GSPT1: variants seen among roughly 807,000 people sequenced by gnomAD.
GSPT1 encodes the protein eukaryotic peptide chain release factor GTP-binding subunit ERF3A.
In GSPT1, 20 loss-of-function variants were observed where a neutral mutation model predicts 72.5. That is an observed-to-expected ratio of 0.28 (90% CI 0.19 to 0.40). GSPT1 has a LOEUF of 0.40. GSPT1 is among the 10% of genes least tolerant of loss of function. GSPT1 has a pLI of 1.00. For synonymous variants in GSPT1, 334 were observed against 293.5 expected (o/e 1.14, Z -1.41); for missense variants, 580 against 811.9 (o/e 0.71, Z 3.47).
chr16:11,904,295 T>G (rs1415596600), intron 1 of GSPT1, among the ~76,000 whole-genome samples: 1 of 152,064 alleles, frequency 6.6e-6, no homozygotes, highest in Non-Finnish European at 1.5e-5. Context: ...CTCCGACTCC[T>G]GGGTTCAAGC....
At chr16:11,901,812 T>TA (rs1269017496) in intron 1 of GSPT1, among the ~76,000 whole-genome samples, 1 of 150,674 alleles carries the variant, frequency 6.6e-6, no homozygotes, top group Non-Finnish European at 1.5e-5. Context: ...GAGGAAAAAC[T>TA]AGGCTGGGCA....
chr16:11,916,291 A>G (rs1196230826), upstream of GSPT1, among the ~76,000 whole-genome samples: 1 of 152,214 alleles, frequency 6.6e-6, no homozygotes, highest in Non-Finnish European at 1.5e-5. Flanking sequence ...GGGCAGCGGC[A>G]GGCCCTGGTT....
At chr16:11,902,409 A>G (rs2054421989) in intron 1 of GSPT1, among the ~76,000 whole-genome samples, 1 of 150,286 alleles carries the variant, frequency 6.7e-6, no homozygotes, top group Non-Finnish European at 1.5e-5. Context: ...TGTCTCAAAA[A>G]AAAAAAAAAA....
chr16:11,913,622 C>A (rs924644009), intron 1 of GSPT1, among the ~76,000 whole-genome samples: 1 of 152,160 alleles, frequency 6.6e-6, no homozygotes, highest in East Asian at 1.9e-4. Context: ...TGAGTCTAGT[C>A]AGAGTGGTGC....
chr16:11,878,047 G>T (rs534777960), intron 11 of GSPT1, among the ~76,000 whole-genome samples: 1 of 152,258 alleles, frequency 6.6e-6, no homozygotes, highest in East Asian at 1.9e-4. Context: ...ACTATTTAAT[G>T]AATACATCAT....
intron 1 of GSPT1, among the ~76,000 whole-genome samples, chr16:11,905,578 T>C (rs1320140514): frequency 6.6e-6 from 1 of 152,160 alleles, no homozygotes; most frequent in Non-Finnish European, 1.5e-5. Context: ...CCTGTACCTG[T>C]AATCCCAGCA....
In GSPT1 at chr16:11,886,759, C is replaced by T; in HGVS notation, c.1112+18G>A. 7 of 1,606,626 alleles carry T rather than the reference C, an allele frequency of 4.4e-6. No individual in the cohort carries two copies. The highest frequency in any genetic ancestry group is 1.7e-5 in the Admixed American group (1 of 59,350). ...TCCTTAATCCCACTAACATAAAATA[C>T]CAGACATCTACGCTCACCTCTCATT... On this transcript the variant is annotated intron_variant, in intron 8 of 14. Coordinates refer to ENST00000434724, the MANE Select transcript of GSPT1 (RefSeq NM_002094.4).
chr16:11,896,718 T>G lies in GSPT1; in HGVS notation c.504A>C (p.Ala168=). 1 of 1,606,480 alleles carries G rather than the reference T, an allele frequency of 6.2e-7. No individual in the cohort carries two copies. The change falls in exon 4 of 15, where the codon GCA becomes GCC. Residue 168 remains alanine (A), a synonymous_variant. Coordinates refer to ENST00000434724, the MANE Select transcript of GSPT1 (RefSeq NM_002094.4). ...SWEHKEEISE[A]EPGGGSLGDG... ...CTCCCAAGGAACCACCCCCTGGCTC[T>G]GCTTCACTTATTTCTTCTTTGTGCT...
At chr16:11,890,991 G>A (rs2054251309) in intron 6 of GSPT1, 71 bp downstream of exon 6, 2 of 698,734 alleles carry the variant, frequency 2.9e-6, no homozygotes, top group Admixed American at 2.9e-5. Flanking sequence ...TATTTTAACA[G>A]GCTCCAAAAG....
chr16:11,907,811 A>C (rs2150889353), intron 1 of GSPT1, among the ~76,000 whole-genome samples: 1 of 152,360 alleles, frequency 6.6e-6, no homozygotes, highest in East Asian at 1.9e-4. Context: ...TAACATTCTA[A>C]GAACCTCTTT....
chr16:11,873,814 C>G (rs1461031746), intron 14 of GSPT1, among the ~76,000 whole-genome samples: 1 of 152,176 alleles, frequency 6.6e-6, no homozygotes, highest in African/African-American at 2.4e-5. Context: ...GTCTTGAACT[C>G]TTGGCCTCAG....
At chr16:11,902,306 C>G (rs1322736615) in intron 1 of GSPT1, among the ~76,000 whole-genome samples, 1 of 143,588 alleles carries the variant, frequency 7.0e-6, no homozygotes, top group Non-Finnish European at 1.5e-5. Flanking sequence ...GGCATGAACC[C>G]GGGAGGTGGA....
At chr16:11,890,782 G>A (rs552291960) in intron 6 of GSPT1, 10 of 226,716 alleles carry the variant, frequency 4.4e-5, no homozygotes, top group South Asian at 1.7e-4. Flanking sequence ...TTATGTAAAT[G>A]TAAGTTTTCA....
chr16:11,905,871 T>C (rs1022471269), intron 1 of GSPT1, among the ~76,000 whole-genome samples: 1 of 152,002 alleles, frequency 6.6e-6, no homozygotes, highest in African/African-American at 2.4e-5. Context: ...AAATAAATTA[T>C]AGGTACACAT....
intron 10 of GSPT1, among the ~76,000 whole-genome samples, chr16:11,883,888 G>A (rs1366032007): frequency 1.3e-5 from 2 of 151,378 alleles, no homozygotes; most frequent in Admixed American, 6.6e-5. Context: ...ACTCCAGCCT[G>A]GTGAAACAGC....
intron 1 of GSPT1, among the ~76,000 whole-genome samples, chr16:11,906,726 A>C (rs562203872): frequency 6.6e-6 from 1 of 152,364 alleles, no homozygotes; most frequent in East Asian, 1.9e-4. Context: ...ACGATAAAAA[A>C]GCAAGATTCA....
intron 10 of GSPT1, among the ~76,000 whole-genome samples, chr16:11,883,389 G>A (rs976590003): frequency 9.5e-5 from 14 of 147,236 alleles, no homozygotes; most frequent in Non-Finnish European, 1.5e-4. Context: ...GGAGGTGGGT[G>A]GACCACCTGA....
intron 1 of GSPT1, among the ~76,000 whole-genome samples, chr16:11,907,315 G>T (rs117297920): frequency 1.3e-5 from 2 of 152,102 alleles, no homozygotes; most frequent in African/African-American, 2.4e-5. Flanking sequence ...AAATGACCTC[G>T]ATTCCAAGCC....
At chr16:11,916,494 C>T (rs889286841), upstream of GSPT1, among the ~76,000 whole-genome samples, 1 of 152,226 alleles carries the variant, frequency 6.6e-6, no homozygotes. Flanking sequence ...TCACAGTCTC[C>T]GTACCTTATT....
Sources: gnomAD v4.1 joint callset for allele counts (sites outside exome capture counted in the v4.1 genomes callset) on GRCh38, gnomAD v4.1.1 for gene constraint, MANE v1.5 for transcripts, NCBI Gene and HGNC (gene_info 2026-07-23, HGNC 2026-07-21) for gene names.